Variants in TRAPPC9 observed in about 807,000 individuals in gnomAD.
The protein encoded by TRAPPC9 is IKK2 binding protein.
In TRAPPC9, 83 loss-of-function variants were observed where a neutral mutation model predicts 124.0. The ratio of observed to expected loss-of-function variants is 0.67; its 90% CI spans 0.56 to 0.80. The LOEUF (loss-of-function observed/expected upper bound fraction) is 0.80, where lower values mean the gene tolerates loss of function less well. Ranked by LOEUF, TRAPPC9 falls within the 30% of genes least tolerant of loss-of-function variation. The pLI, the probability that TRAPPC9 is intolerant of heterozygous loss-of-function variation, is 0.00. For missense variants in TRAPPC9, 1,302 were observed against 1,508.3 expected (o/e 0.86, Z 2.27); for synonymous variants, 638 against 617.5 (o/e 1.03, Z -0.49).
At chr8:140,027,795 T>C (rs1395616352) in intron 17 of TRAPPC9, among the ~76,000 whole-genome samples, 1 of 152,086 alleles carries the variant, frequency 6.6e-6, no homozygotes, top group African/African-American at 2.4e-5. Flanking sequence ...GAAGCATATC[T>C]TACATGGCGG....
chr8:140,319,172 C>CTTTT (rs35283714), intron 9 of TRAPPC9, among the ~76,000 whole-genome samples: 18 of 118,520 alleles, frequency 1.5e-4, no homozygotes, highest in Non-Finnish European at 2.0e-4. Flanking sequence ...TTATTTTGAA[C>CTTTT]TTTTTTTTTT....
At chr8:140,319,316 C>T (rs776239922) in intron 9 of TRAPPC9, among the ~76,000 whole-genome samples, 23 of 151,096 alleles carry the variant, frequency 1.5e-4, no homozygotes, top group Non-Finnish European at 2.8e-4. Context: ...GCTGGGACTA[C>T]GGGCACCCGC....
Position 140,360,186 on chromosome 8 carries a change from GTGCGTGCC to G in TRAPPC9, c.1352-1_1358del. 6.2e-7 allele frequency: 1 copy of G among 1,614,204 alleles called. No individual in the cohort carries two copies. On this transcript the variant is annotated splice_acceptor_variant and coding_sequence_variant, in exon 9 of 23. Coordinates refer to ENST00000438773, the MANE Select transcript of TRAPPC9 (RefSeq NM_001160372.4). LOFTEE classifies it high-confidence loss of function. ...GCATCTGGACCGCAGCCCAGCCTCT[GTGCGTGCC>G]TGCGATGGAAGTTACAAAACATCAC... is the stretch of plus-strand genomic sequence containing the variant.
intron 19 of TRAPPC9, among the ~76,000 whole-genome samples, chr8:139,951,808 A>C (rs543475944): frequency 6.6e-6 from 1 of 152,344 alleles, no homozygotes; most frequent in South Asian, 2.1e-4. Flanking sequence ...GTGATTACTT[A>C]GTTGTTTCAA....
intron 2 of TRAPPC9, among the ~76,000 whole-genome samples, chr8:140,445,217 C>T (rs1386326494): frequency 6.6e-6 from 1 of 152,222 alleles, no homozygotes; most frequent in African/African-American, 2.4e-5. Flanking sequence ...ACAGATTTCT[C>T]CTTTCTGTCC....
intron 17 of TRAPPC9, among the ~76,000 whole-genome samples, chr8:140,142,889 CT>C (rs145390892): frequency 0.46 from 69,852 of 151,928 alleles, 16,161 homozygotes; most frequent in Middle Eastern, 0.52. Context: ...AGAAAAATGC[CT>C]CGCACCTGGT....
At chr8:139,916,693 T>C (rs890548069) in intron 19 of TRAPPC9, 4 of 152,228 alleles carry the variant, frequency 2.6e-5, no homozygotes, top group Non-Finnish European at 1.5e-5. Flanking sequence ...TAAAAAAAGG[T>C]GCTGTGATTT....
intron 10 of TRAPPC9, chr8:140,302,961 G>A (rs935665167): frequency 6.6e-6 from 1 of 152,292 alleles, no homozygotes; most frequent in African/African-American, 2.4e-5. Context: ...GAAGGTTATG[G>A]CTTGGCCGCT....
intron 21 of TRAPPC9, among the ~76,000 whole-genome samples, chr8:139,803,704 CA>C (rs1823726949): frequency 6.6e-6 from 1 of 152,200 alleles, no homozygotes; most frequent in East Asian, 1.9e-4. Flanking sequence ...CCATTTTTCT[CA>C]AAGGCGATAT....
chr8:140,176,703 A>G (rs1027930107), intron 17 of TRAPPC9, among the ~76,000 whole-genome samples: 5 of 152,222 alleles, frequency 3.3e-5, no homozygotes, highest in East Asian at 3.8e-4. Flanking sequence ...GGGTCATCAC[A>G]TAAGTATATG....
Position 140,248,398 on chromosome 8 carries a change from G to T in TRAPPC9, c.2431+4379C>A, listed in dbSNP as rs114879539. ...ACATTTCAGCTGCTGTTCTCAACTT[G>T]GCCCACTGAGCTGCCCAATGAGTAC... On this transcript the variant is annotated intron_variant, in intron 16 of 22. Transcript: ENST00000438773. Among the ~76,000 whole-genome samples the T allele has an allele frequency of 6.2e-3, 941 of 152,346 alleles. 11 individuals are homozygous for T. Among genetic ancestry groups the T allele is most frequent in the African/African-American group, 0.022 (896 of 41,576 alleles).
chr8:140,037,866 AACACACACCTCCAAC>A (rs1227134354), intron 17 of TRAPPC9, among the ~76,000 whole-genome samples: 1 of 93,670 alleles, frequency 1.1e-5, no homozygotes, highest in Admixed American at 1.1e-4. Context: ...ACACATACCC[AACACACACCTCCAAC>A]ACACACACAC....
At chr8:140,232,543 G>A (rs534604340) in intron 16 of TRAPPC9, among the ~76,000 whole-genome samples, 1 of 152,172 alleles carries the variant, frequency 6.6e-6, no homozygotes, top group Non-Finnish European at 1.5e-5. Context: ...TTGCCCAGAA[G>A]CAATTTGCTG....
intron 21 of TRAPPC9, among the ~76,000 whole-genome samples, chr8:139,770,737 A>G (rs1820900944): frequency 6.6e-6 from 1 of 152,230 alleles, no homozygotes; most frequent in Non-Finnish European, 1.5e-5. Flanking sequence ...GAGAGGCCTC[A>G]CAGAGATGGA....
In TRAPPC9 at chr8:140,427,379, T is replaced by A. The variant is rs867413013; in HGVS notation, c.860-738A>T. Among the ~76,000 whole-genome samples, 331 of 148,534 alleles carry A rather than the reference T, an allele frequency of 2.2e-3. 1 individual carries two copies. The highest frequency in any genetic ancestry group is 7.3e-3 in the African/African-American group (297 of 40,564). On this transcript the variant is annotated intron_variant, in intron 4 of 22. Transcript: ENST00000438773. ...ATCTCTCTATATATATATCTCTCTCTCACACACACACACACACACACACAC... is the reference window on the plus strand; with the variant it reads ...ATCTCTCTATATATATATCTCTCTCACACACACACACACACACACACACAC...
At chr8:139,858,881 C>T (rs760467036) in intron 21 of TRAPPC9, among the ~76,000 whole-genome samples, 26 of 150,368 alleles carry the variant, frequency 1.7e-4, no homozygotes, top group Admixed American at 2.7e-4. Flanking sequence ...CCTTTAAACA[C>T]GCCTCGCATA....
At chr8:140,276,714 A>G (rs1367309157) in intron 14 of TRAPPC9, among the ~76,000 whole-genome samples, 1 of 152,046 alleles carries the variant, frequency 6.6e-6, no homozygotes, top group Admixed American at 6.5e-5. Flanking sequence ...GCAGATGACA[A>G]ATAGAGGCAT....
chr8:140,086,650 G>A (rs771714298), intron 17 of TRAPPC9, among the ~76,000 whole-genome samples: 9 of 152,158 alleles, frequency 5.9e-5, no homozygotes, highest in Admixed American at 6.5e-5. Context: ...GGCCAGGCGT[G>A]GTGGCTCATG....
At chr8:140,232,676 C>T (rs1316322738) in intron 16 of TRAPPC9, among the ~76,000 whole-genome samples, 4 of 152,162 alleles carry the variant, frequency 2.6e-5, no homozygotes, top group Admixed American at 2.6e-4. Context: ...TCTTATGCCT[C>T]CACCCCAGGT....
Sources: gnomAD v4.1 joint callset for allele counts (sites outside exome capture counted in the v4.1 genomes callset) on GRCh38, gnomAD v4.1.1 for gene constraint, MANE v1.5 for transcripts, NCBI Gene and HGNC (gene_info 2026-07-23, HGNC 2026-07-21) for gene names.